The following DSE variants were observed in gnomAD, a reference collection of about 807,000 sequenced individuals.
DSE encodes dermatan-sulfate epimerase.
In DSE, 36 loss-of-function variants were observed where a neutral mutation model predicts 84.4. The ratio of observed to expected loss-of-function variants is 0.43; its 90% CI spans 0.33 to 0.56. The LOEUF (loss-of-function observed/expected upper bound fraction) is 0.56, where lower values mean the gene tolerates loss of function less well. DSE is among the 20% of genes least tolerant of loss of function. DSE has a pLI of 0.06. For synonymous variants in DSE, 410 were observed against 430.1 expected (o/e 0.95, Z 0.58); for missense variants, 862 against 1,169.6 (o/e 0.74, Z 3.84).
intron 2 of DSE, among the ~76,000 whole-genome samples, chr6:116,334,373 A>G (rs536816522): frequency 2.5e-4 from 38 of 152,278 alleles, no homozygotes; most frequent in Non-Finnish European, 4.7e-4. Flanking sequence ...TTCCCAAATA[A>G]TTCTACTCCC....
chr6:116,261,750 CTTG>C (rs1367043080), intron 2 of DSE, among the ~76,000 whole-genome samples: 1 of 152,100 alleles, frequency 6.6e-6, no homozygotes, highest in Non-Finnish European at 1.5e-5. Context: ...ATAGATGGCT[CTTG>C]TTATTTTGAG....
At chr6:116,367,919 A>C (rs1436447312), upstream of DSE, among the ~76,000 whole-genome samples, 1 of 152,228 alleles carries the variant, frequency 6.6e-6, no homozygotes, top group Non-Finnish European at 1.5e-5. Context: ...CTTAGTCTGA[A>C]ACCGAGGCAA....
intron 2 of DSE, among the ~76,000 whole-genome samples, chr6:116,414,655 G>A (rs150777357): frequency 7.2e-5 from 11 of 151,790 alleles, no homozygotes; most frequent in East Asian, 1.9e-4. Flanking sequence ...CAGGTGATCC[G>A]CCTGCCTCGG....
intron 2 of DSE, among the ~76,000 whole-genome samples, chr6:116,329,887 G>C (rs1164544688): frequency 6.6e-6 from 1 of 152,138 alleles, no homozygotes; most frequent in African/African-American, 2.4e-5. Context: ...GCAATGACGC[G>C]ATCTCAGCTC....
intron 2 of DSE, among the ~76,000 whole-genome samples, chr6:116,351,750 T>G (rs1778322920): frequency 6.6e-6 from 1 of 152,194 alleles, no homozygotes; most frequent in Non-Finnish European, 1.5e-5. Context: ...AAATAAGCAG[T>G]CTTTGCTGAT....
At chr6:116,277,960 T>TG (rs1773246993) in intron 2 of DSE, 1 of 150,384 alleles carries the variant, frequency 6.6e-6, no homozygotes, top group African/African-American at 2.5e-5. Flanking sequence ...AGAGGGACCT[T>TG]GGCAGGAGCC....
At chr6:116,399,768 T>A in intron 2 of DSE, 102 bp downstream of exon 2, 7 of 1,155,550 alleles carry the variant, frequency 6.1e-6, no homozygotes, top group Non-Finnish European at 8.6e-6. Context: ...CCTCTTTGTG[T>A]ATGTGTGTGG....
chr6:116,326,301 G>A (rs895778908), intron 2 of DSE, among the ~76,000 whole-genome samples: 9 of 151,980 alleles, frequency 5.9e-5, no homozygotes, highest in African/African-American at 9.7e-5. Flanking sequence ...CTCTAGAGAC[G>A]AAAGGAAAAT....
chr6:116,424,297 C>T (rs761493675), intron 2 of DSE, among the ~76,000 whole-genome samples: 3 of 152,204 alleles, frequency 2.0e-5, no homozygotes, highest in Non-Finnish European at 4.4e-5. Flanking sequence ...TTCACACTCT[C>T]ATAGTCTGTT....
intron 2 of DSE, among the ~76,000 whole-genome samples, chr6:116,331,188 T>C (rs376886280): frequency 6.6e-6 from 1 of 152,106 alleles, no homozygotes; most frequent in African/African-American, 2.4e-5. Flanking sequence ...CTGAAAACTT[T>C]CTTTCTGTGA....
chr6:116,289,488 CCTTTAAACA>C (rs1317930432), intron 2 of DSE, among the ~76,000 whole-genome samples: 1 of 151,768 alleles, frequency 6.6e-6, no homozygotes, highest in Non-Finnish European at 1.5e-5. Context: ...CAGCTAAAAC[CCTTTAAACA>C]TTTTGTTAGT....
At chr6:116,419,354 C>G (rs1197595192) in intron 2 of DSE, among the ~76,000 whole-genome samples, 1 of 152,196 alleles carries the variant, frequency 6.6e-6, no homozygotes, top group Admixed American at 6.5e-5. Flanking sequence ...AGATGAATCA[C>G]TACTGCATTA....
rs148075855 is a variant in DSE at position 116,436,185 on chromosome 6, C to T, written c.1717C>T (p.His573Tyr). The T allele has an allele frequency of 7.4e-6, 12 of 1,613,612 alleles. No individual in the cohort carries two copies. The African/African-American group carries it at 8.0e-5, about 11-fold the overall frequency. ...PQLLLLVDQI[H>Y]LGEESPLETA... Reference sequence around the variant, plus strand: ...GCTGCTTCTCCTTGTAGACCAAATACACCTGGGAGAGGAGAGTCCCTTGGA... The same window carrying T: ...GCTGCTTCTCCTTGTAGACCAAATATACCTGGGAGAGGAGAGTCCCTTGGA... Residue 573 changes from histidine (H) to tyrosine (Y), a missense_variant, in exon 6 of 6, where the codon CAC (histidine) becomes TAC (tyrosine). This residue lies in a region of DSE where 186 missense variants were observed against 255.1 expected (regional missense o/e 0.73). Coordinates refer to ENST00000644252, the MANE Select transcript of DSE (RefSeq NM_013352.4).
chr6:116,394,910 A>G (rs1369611805), intron 1 of DSE, among the ~76,000 whole-genome samples: 3 of 152,212 alleles, frequency 2.0e-5, no homozygotes, highest in African/African-American at 7.2e-5. Flanking sequence ...GTCGCTGGTA[A>G]TTTTGCCATG....
At chr6:116,308,547 A>G (rs533505330) in intron 2 of DSE, among the ~76,000 whole-genome samples, 1 of 152,348 alleles carries the variant, frequency 6.6e-6, no homozygotes, top group East Asian at 1.9e-4. Flanking sequence ...AATGAGAAAG[A>G]TCAGTGCCCA....
intron 2 of DSE, among the ~76,000 whole-genome samples, chr6:116,420,977 A>G (rs1783036315): frequency 6.6e-6 from 1 of 152,218 alleles, no homozygotes; most frequent in Admixed American, 6.5e-5. Context: ...GAAGCAGTCT[A>G]TCCCTTTAAA....
chr6:116,280,435 A>G (rs953493060), intron 2 of DSE, among the ~76,000 whole-genome samples: 3 of 152,248 alleles, frequency 2.0e-5, no homozygotes, highest in Non-Finnish European at 4.4e-5. Flanking sequence ...AAAGCGATGC[A>G]TAGTATTCAT....
At chr6:116,411,839 C>A (rs1396045020) in intron 2 of DSE, among the ~76,000 whole-genome samples, 1 of 152,140 alleles carries the variant, frequency 6.6e-6, no homozygotes, top group Non-Finnish European at 1.5e-5. Flanking sequence ...GTAACTTGGT[C>A]AGAGAAGTTG....
intron 1 of DSE, among the ~76,000 whole-genome samples, chr6:116,380,944 T>TC (rs1289451758): frequency 1.3e-5 from 2 of 152,194 alleles, no homozygotes; most frequent in Non-Finnish European, 2.9e-5. Flanking sequence ...CATCCTTCCT[T>TC]CTTCACCTTA....
Sources: allele counts gnomAD v4.1 joint callset (sites outside exome capture counted in the v4.1 genomes callset), GRCh38; gene constraint gnomAD v4.1.1; regional missense constraint gnomAD v4.1.1; transcripts MANE v1.5; gene names NCBI Gene and HGNC (gene_info 2026-07-23, HGNC 2026-07-21).